KCNT2: variants seen among roughly 807,000 people sequenced by gnomAD.
KCNT2 encodes potassium channel subfamily T member 2.
In KCNT2, 67 loss-of-function variants were observed where a neutral mutation model predicts 153.8. That is an observed-to-expected ratio of 0.44 (90% CI 0.36 to 0.53). The LOEUF (loss-of-function observed/expected upper bound fraction) is 0.53. KCNT2 is among the 20% of genes least tolerant of loss of function. The pLI, the probability that KCNT2 is intolerant of heterozygous loss-of-function variation, is 0.00. For synonymous variants in KCNT2, 500 were observed against 458.8 expected, an observed-to-expected ratio of 1.09 and a Z score of -1.15; for missense variants, 975 against 1,354.8, an observed-to-expected ratio of 0.72 and a Z score of 4.40.
intron 14 of KCNT2, among the ~76,000 whole-genome samples, chr1:196,371,756 G>A (rs1036210976): frequency 1.3e-5 from 2 of 151,832 alleles, no homozygotes; most frequent in Admixed American, 6.6e-5. Context: ...TTTTCACCAG[G>A]CAATACTGTT....
intron 6 of KCNT2, among the ~76,000 whole-genome samples, 175 bp downstream of exon 6, chr1:196,468,819 A>G (rs570631013): frequency 6.6e-6 from 1 of 152,216 alleles, no homozygotes; most frequent in East Asian, 1.9e-4. Context: ...ATTAGTTTCC[A>G]TTTAGTTACA....
chr1:196,442,154 G>C (rs180921104), intron 8 of KCNT2, among the ~76,000 whole-genome samples: 1 of 151,586 alleles, frequency 6.6e-6, no homozygotes, highest in African/African-American at 2.4e-5. Flanking sequence ...GATCACCGAC[G>C]GAAAAGCTAT....
intron 25 of KCNT2, among the ~76,000 whole-genome samples, chr1:196,263,096 T>A (rs1379955418): frequency 6.6e-6 from 1 of 152,138 alleles, no homozygotes; most frequent in Non-Finnish European, 1.5e-5. Context: ...AATCTTTGAT[T>A]TCCTTTTTCA....
intron 20 of KCNT2, among the ~76,000 whole-genome samples, chr1:196,317,851 C>T (rs746295032): frequency 7.3e-5 from 11 of 151,498 alleles, no homozygotes; most frequent in Non-Finnish European, 1.5e-4. Flanking sequence ...TTACTCATAA[C>T]CTTGGCAAAT....
chr1:196,586,808 TC>T (rs1204331424), intron 1 of KCNT2, among the ~76,000 whole-genome samples: 1 of 152,100 alleles, frequency 6.6e-6, no homozygotes, highest in African/African-American at 2.4e-5. Context: ...TTCGTGTTCC[TC>T]CCCTGAGCTC....
chr1:196,344,219 A>C (rs1277553846), intron 14 of KCNT2, among the ~76,000 whole-genome samples: 1 of 152,196 alleles, frequency 6.6e-6, no homozygotes. Context: ...GATCAGAGAA[A>C]ACACGCAGTA....
At chr1:196,444,878 T>A (rs1675554441) in intron 8 of KCNT2, among the ~76,000 whole-genome samples, 1 of 151,222 alleles carries the variant, frequency 6.6e-6, no homozygotes, top group Non-Finnish European at 1.5e-5. Context: ...AAACTATTAG[T>A]CTCAGGCTGA....
intron 25 of KCNT2, among the ~76,000 whole-genome samples, chr1:196,275,440 C>A (rs181338823): frequency 6.6e-6 from 1 of 151,646 alleles, no homozygotes; most frequent in Non-Finnish European, 1.5e-5. Flanking sequence ...TTTCACTAAT[C>A]TACATCACAC....
At chr1:196,519,296 A>G (rs1653029862) in intron 1 of KCNT2, among the ~76,000 whole-genome samples, 1 of 152,162 alleles carries the variant, frequency 6.6e-6, no homozygotes, top group African/African-American at 2.4e-5. Flanking sequence ...CAGCTAAGGC[A>G]GTGTTAAGAG....
At chr1:196,518,767 A>G (rs896411882) in intron 1 of KCNT2, among the ~76,000 whole-genome samples, 3 of 152,190 alleles carry the variant, frequency 2.0e-5, no homozygotes, top group African/African-American at 7.2e-5. Context: ...CACAGGAGCA[A>G]CCAGGTTTAT....
intron 3 of KCNT2, among the ~76,000 whole-genome samples, chr1:196,488,901 TTGTGAGAGAAGTA>T (rs1355293057): frequency 2.0e-5 from 3 of 152,050 alleles, no homozygotes; most frequent in Admixed American, 1.3e-4. Context: ...GCTTTGGCTG[TTGTGAGAGAAGTA>T]TGTGGGAGAG....
chr1:196,426,007 G>T lies in KCNT2; in HGVS notation c.985-19C>A, dbSNP rs1210304556. ...AATAATCCTATTCAAAACAAAATGG[G>T]CAATGGAATAGAAACAAAAATGTTT... On this transcript the variant is annotated intron_variant, in intron 10 of 27. Coordinates refer to ENST00000294725, the MANE Select transcript of KCNT2 (RefSeq NM_198503.5). 1.9e-6 allele frequency: 3 copies of T among 1,603,008 alleles called. No homozygotes were observed. The highest frequency in any genetic ancestry group is 1.7e-4 in the Middle Eastern group (1 of 6,010).
At chr1:196,228,711 T>C (rs957325025) in intron 27 of KCNT2, among the ~76,000 whole-genome samples, 5 of 152,082 alleles carry the variant, frequency 3.3e-5, no homozygotes, top group African/African-American at 1.2e-4. Flanking sequence ...ATCCCTTACT[T>C]TGGCCATTTT....
At chr1:196,459,187 G>C (rs1223777775) in intron 8 of KCNT2, among the ~76,000 whole-genome samples, 1 of 151,414 alleles carries the variant, frequency 6.6e-6, no homozygotes, top group African/African-American at 2.4e-5. Flanking sequence ...CACTGTCTTT[G>C]TGTCTATGCA....
rs910044205 is a variant in KCNT2, at chr1:196,351,400, T to G, written c.1404-9172A>C. 4.3e-4 allele frequency among the ~76,000 whole-genome samples: 65 copies of G among 152,332 alleles called. 1 individual carries two copies. The highest frequency in any genetic ancestry group is 1.5e-3 in the African/African-American group (63 of 41,584). On this transcript the variant is annotated intron_variant, in intron 14 of 27. Coordinates refer to ENST00000294725, the MANE Select transcript of KCNT2 (RefSeq NM_198503.5). ...TTCATTGAGCAGTGGTTTGTAGTTC[T>G]CCTTGAAGAGGTCCTTCACGTCCCT...
chr1:196,547,631 A>G (rs866490998), intron 1 of KCNT2, among the ~76,000 whole-genome samples: 74 of 152,060 alleles, frequency 4.9e-4, no homozygotes, highest in African/African-American at 1.6e-3. Context: ...ATTCTTTCTT[A>G]CCCTTTCACT....
At chr1:196,297,251 T>G (rs1660756596) in intron 22 of KCNT2, among the ~76,000 whole-genome samples, 1 of 152,126 alleles carries the variant, frequency 6.6e-6, no homozygotes, top group Non-Finnish European at 1.5e-5. Context: ...ATGATTAACT[T>G]CATAAAATTA....
chr1:196,446,388 A>AT (rs1172367984), intron 8 of KCNT2, among the ~76,000 whole-genome samples: 1 of 151,384 alleles, frequency 6.6e-6, no homozygotes, highest in African/African-American at 2.4e-5. Flanking sequence ...CAAACCCATG[A>AT]TGACACTGAT....
chr1:196,353,220 C>T (rs191106862), intron 14 of KCNT2, among the ~76,000 whole-genome samples: 1 of 152,040 alleles, frequency 6.6e-6, no homozygotes, highest in Non-Finnish European at 1.5e-5. Flanking sequence ...AAGCAGATGT[C>T]TAACTGGCAA....
Sources: allele counts gnomAD v4.1 joint callset (sites outside exome capture counted in the v4.1 genomes callset), GRCh38; gene constraint gnomAD v4.1.1; transcripts MANE v1.5; gene names NCBI Gene and HGNC (gene_info 2026-07-23, HGNC 2026-07-21).